GNB1: variants seen among roughly 807,000 people sequenced by gnomAD.
GNB1 encodes G protein subunit beta 1, also known as guanine nucleotide-binding protein G(I)/G(S)/G(T) subunit beta-1.
Under a neutral mutation model 42.9 loss-of-function variants are expected in GNB1, and 2 were observed. The ratio of observed to expected loss-of-function variants is 0.05; its 90% confidence interval spans 0.02 to 0.15. GNB1 has a LOEUF of 0.15. GNB1 is among the 10% of genes least tolerant of loss of function. The probability of loss-of-function intolerance (pLI) is 1.00; values close to 1 mark genes in which losing one functional copy is unlikely to be tolerated. For missense variants in GNB1, 193 were observed against 462.2 expected, an observed-to-expected ratio of 0.42 and a Z score of 5.34; for synonymous variants, 183 against 174.7, an observed-to-expected ratio of 1.05 and a Z score of -0.38.
At chr1:1,788,991 G>T in intron 10 of GNB1, 62 bp downstream of exon 10, 1 of 1,196,856 alleles carries the variant, frequency 8.4e-7, no homozygotes, top group Non-Finnish European at 1.2e-6. Context: ...ACCACTCTGT[G>T]TTTGCTCTAA....
chr1:1,800,788 A>G (rs1646615235), intron 7 of GNB1, among the ~76,000 whole-genome samples: 1 of 152,156 alleles, frequency 6.6e-6, no homozygotes, highest in Non-Finnish European at 1.5e-5. Context: ...TAAATTAAAA[A>G]AAGAGTCAAC....
At chr1:1,796,442 C>T (rs1570628218) in intron 7 of GNB1, among the ~76,000 whole-genome samples, 1 of 152,248 alleles carries the variant, frequency 6.6e-6, no homozygotes, top group Non-Finnish European at 1.5e-5. Flanking sequence ...GAAAATTCCT[C>T]TAAGTTCTTT....
chr1:1,817,973 T>G (rs115507312), intron 3 of GNB1, 98 bp from the exon 4 acceptor site: 14,903 of 917,928 alleles, frequency 0.016, 174 homozygotes, highest in Middle Eastern at 0.027. Context: ...TCCTAAGCTG[T>G]CAGGAGCAAA....
At chr1:1,830,844 A>C (rs1165244880) in intron 2 of GNB1, among the ~76,000 whole-genome samples, 2 of 151,888 alleles carry the variant, frequency 1.3e-5, no homozygotes, top group Non-Finnish European at 2.9e-5. Flanking sequence ...GAGCCACCAC[A>C]CCCAGCCTAA....
At chr1:1,841,041 G>A (rs1647227416) in intron 1 of GNB1, among the ~76,000 whole-genome samples, 1 of 151,954 alleles carries the variant, frequency 6.6e-6, no homozygotes, top group South Asian at 2.1e-4. Context: ...ATAGGCACAT[G>A]CCACCACTCC....
rs77354509 is a variant in GNB1, at chr1:1,806,456, G to A, written c.267+19C>T. On this transcript the variant is annotated intron_variant, in intron 6 of 11. Coordinates refer to ENST00000378609, the MANE Select transcript of GNB1 (RefSeq NM_002074.5). The stretch of plus-strand genomic sequence containing the variant: ...TTCCTGGGTTGGTTTTTCAAGGAAG[G>A]GAATCCTCCAGTCCCTACCTTGTTG... 0.087 allele frequency: 133,357 copies of A among 1,525,244 alleles called. 6,792 individuals carry two copies. Among genetic ancestry groups the A allele is most frequent in the Non-Finnish European group, 0.1 (112,921 of 1,099,724 alleles). 94.5% of individuals were successfully genotyped at this position (1,525,244 alleles called of 1,614,324 possible).
chr1:1,801,896 AC>A (rs921556886), intron 7 of GNB1, among the ~76,000 whole-genome samples: 7 of 152,248 alleles, frequency 4.6e-5, no homozygotes, highest in African/African-American at 1.4e-4. Flanking sequence ...AGCTGAAAGG[AC>A]CCCCATGAAG....
At chr1:1,888,812 C>T (rs954182436) in intron 1 of GNB1, among the ~76,000 whole-genome samples, 1 of 152,170 alleles carries the variant, frequency 6.6e-6, no homozygotes, top group African/African-American at 2.4e-5. Context: ...GCACTCCAGC[C>T]TGGGCAACAA....
intron 1 of GNB1, among the ~76,000 whole-genome samples, chr1:1,873,213 A>G (rs559623057): frequency 3.9e-5 from 6 of 152,352 alleles, no homozygotes; most frequent in East Asian, 3.9e-4. Context: ...GCTAGGCCTC[A>G]TAACTTGCAA....
chr1:1,840,842 G>A (rs1647222414), intron 1 of GNB1, among the ~76,000 whole-genome samples: 1 of 152,186 alleles, frequency 6.6e-6, no homozygotes, highest in Non-Finnish European at 1.5e-5. Flanking sequence ...ACTTCTGGTG[G>A]AATGAAAATA....
At chr1:1,808,619 C>T (rs1028492748) in intron 5 of GNB1, among the ~76,000 whole-genome samples, 1 of 150,152 alleles carries the variant, frequency 6.7e-6, no homozygotes, top group Non-Finnish European at 1.5e-5. Flanking sequence ...TTCTATCAAA[C>T]GCAAGGTTTT....
At chr1:1,885,210 T>G (rs965728113) in intron 1 of GNB1, among the ~76,000 whole-genome samples, 1 of 151,216 alleles carries the variant, frequency 6.6e-6, no homozygotes, top group Admixed American at 6.6e-5. Flanking sequence ...GTCAGCAGTT[T>G]GAGACCAGCC....
chr1:1,851,672 A>G (rs1647990259), intron 1 of GNB1, among the ~76,000 whole-genome samples: 1 of 152,246 alleles, frequency 6.6e-6, no homozygotes, highest in Non-Finnish European at 1.5e-5. Flanking sequence ...ACAACTTCAC[A>G]TGAAGATGCA....
chr1:1,827,333 G>T (rs1647013098), intron 2 of GNB1, among the ~76,000 whole-genome samples: 1 of 152,212 alleles, frequency 6.6e-6, no homozygotes, highest in African/African-American at 2.4e-5. Context: ...TGCTCTCTGG[G>T]GAGGCAGGCT....
At chr1:1,852,908 C>T (rs1648070043) in intron 1 of GNB1, among the ~76,000 whole-genome samples, 1 of 152,246 alleles carries the variant, frequency 6.6e-6, no homozygotes, top group East Asian at 1.9e-4. Context: ...CGAGGATCCA[C>T]TCCTTATTCC....
chr1:1,785,677 A>C lies in GNB1; in HGVS notation c.*1386T>G, dbSNP rs1646395903. 2 of 277,312 alleles carry C rather than the reference A, an allele frequency of 7.2e-6. No homozygotes were observed. The highest frequency in any genetic ancestry group is 1.3e-5 in the Non-Finnish European group (2 of 150,102). 17.2% of individuals were successfully genotyped at this position (277,312 alleles called of 1,614,324 possible). A position where few individuals can be genotyped will look rare whatever the true frequency, so the allele number is the denominator to read the frequency against. On this transcript the variant is annotated 3_prime_UTR_variant, in exon 12 of 12. Coordinates refer to ENST00000378609, the MANE Select transcript of GNB1 (RefSeq NM_002074.5). ...ACCAGGACAATCTGTGTGTGATGGG[A>C]ATGAGCCACCTCAGATGTGGAGGGC...
intron 1 of GNB1, among the ~76,000 whole-genome samples, chr1:1,848,342 G>C (rs1410725015): frequency 7.2e-6 from 1 of 138,640 alleles, no homozygotes; most frequent in East Asian, 2.1e-4. Context: ...CTGAGCCATT[G>C]CACTCCAGCC....
At position 1,804,730 on chromosome 1, in the gene GNB1, G is replaced by C; in HGVS notation, c.268-149C>G. The C allele has an allele frequency of 6.5e-6, 4 of 614,266 alleles. 1 individual carries two copies. In the South Asian group the frequency reaches 8.2e-5, roughly 13 times the overall value. The allele number at this position is 614,266 out of a possible 1,614,324, so 38.1% of individuals were successfully genotyped here. A position where few individuals can be genotyped will look rare whatever the true frequency, so the allele number is the denominator to read the frequency against. Reference sequence around the variant, plus strand: ...ATCTAGAGAGCGATTCCCATATGTGGCCACTCAGGTGAAGCATACTTAATG... The same window carrying C: ...ATCTAGAGAGCGATTCCCATATGTGCCCACTCAGGTGAAGCATACTTAATG... On this transcript the variant is annotated intron_variant, in intron 6 of 11. Coordinates refer to ENST00000378609, the MANE Select transcript of GNB1 (RefSeq NM_002074.5).
chr1:1,833,653 G>A (rs907482744), intron 2 of GNB1, among the ~76,000 whole-genome samples: 2 of 152,272 alleles, frequency 1.3e-5, no homozygotes, highest in South Asian at 2.1e-4. Context: ...GGCTGGGAGC[G>A]TACACAGTCA....
Sources: allele counts gnomAD v4.1 joint callset (sites outside exome capture counted in the v4.1 genomes callset), GRCh38; gene constraint gnomAD v4.1.1; transcripts MANE v1.5; gene names NCBI Gene and HGNC (gene_info 2026-07-23, HGNC 2026-07-21).